The following SYMPK variants were observed in gnomAD, a reference collection of about 807,000 sequenced individuals.
The protein encoded by SYMPK is symplekin.
SYMPK carries 49 observed loss-of-function variants against 136.4 expected under a neutral mutation model. The ratio of observed to expected loss-of-function variants is 0.36; its 90% CI spans 0.29 to 0.46. The LOEUF is 0.46. Among genes scored for constraint, SYMPK ranks in the 20% least tolerant of loss-of-function variants. The pLI, the probability that SYMPK is intolerant of heterozygous loss-of-function variation, is 1.00. For synonymous variants in SYMPK, 766 were observed against 713.0 expected (o/e 1.07, Z -1.19); for missense variants, 1,365 against 1,690.0 (o/e 0.81, Z 3.37).
At chr19:45,822,917 C>G in intron 20 of SYMPK, 71 bp from the exon 21 acceptor site, 1 of 1,304,944 alleles carries the variant, frequency 7.7e-7, no homozygotes. Context: ...GACAAGCCAC[C>G]CCTTCTGCTC....
intron 10 of SYMPK, among the ~76,000 whole-genome samples, chr19:45,835,942 A>AAAGC (rs1568616847): frequency 6.6e-6 from 1 of 151,382 alleles, no homozygotes; most frequent in African/African-American, 2.4e-5. Flanking sequence ...AGAAAGAAAG[A>AAAGC]AAGCAAAAAG....
chr19:45,828,751 C>G, intron 14 of SYMPK: 1 of 585,568 alleles, frequency 1.7e-6, no homozygotes, highest in Non-Finnish European at 3.1e-6. Context: ...AGTGGCAGAG[C>G]TGAGGAACAG....
At position 45,842,479 on chromosome 19, in the gene SYMPK, G is replaced by A. The variant is rs746941567; in HGVS notation, c.858C>T (p.Pro286=). ...QAYETLHANL[P]PTLAKSQVSS... ...TCACCTGCGATTTGGCCAGCGTCGG[G>A]GGCAGGTTGGCTGTGAGGAAAGTGG... Residue 286 remains proline (P), a synonymous_variant, in exon 9 of 27, where the codon CCC becomes CCT. Coordinates refer to ENST00000245934, the MANE Select transcript of SYMPK (RefSeq NM_004819.3). 1.2e-6 allele frequency: 2 copies of A among 1,611,396 alleles called. No individual in the cohort carries two copies. The highest frequency in any genetic ancestry group is 1.7e-5 in the Admixed American group (1 of 60,012).
At chr19:45,840,991 C>CT (rs567036023) in intron 9 of SYMPK, among the ~76,000 whole-genome samples, 191 of 145,570 alleles carry the variant, frequency 1.3e-3, no homozygotes, top group Middle Eastern at 3.5e-3. Flanking sequence ...AGATAAATTC[C>CT]TTTTTTTTTT....
rs1039805926 is a variant in SYMPK at position 45,830,112 on chromosome 19, C to T, written c.1691G>A (p.Gly564Asp). The T allele has an allele frequency of 6.3e-7, 1 of 1,588,152 alleles. No homozygotes were observed. The highest frequency in any genetic ancestry group is 1.7e-4 in the Middle Eastern group (1 of 6,028). The part of the protein sequence containing the change: ...TDAQVEAMKL[G>D]AVKRILRAEK... The stretch of plus-strand genomic sequence containing the variant: ...AGCCCGCAGGATCCGCTTCACAGCG[C>T]CCAGCTTCATGGCTTCCACCTGGGC... The change falls in exon 13 of 27, where the codon GGC becomes GAC. Residue 564 changes from glycine to aspartate, a missense_variant. Physicochemically the swap from Gly to Asp is moderately conservative, Grantham distance 94. This residue lies in a region of SYMPK where 303 missense variants were observed against 326.6 expected (regional missense o/e 0.93). Transcript: ENST00000245934.
Position 45,844,070 on chromosome 19 carries a change from C to T in SYMPK, c.807G>A (p.Met269Ile), listed in dbSNP as rs773911989. The change falls in exon 8 of 27, where the codon ATG becomes ATA. Residue 269 changes from methionine to isoleucine, a missense_variant. Transcript: ENST00000245934. ...SLANIARQRPMFMSEVIQAYE... is the reference protein window; with the variant it reads ...SLANIARQRPIFMSEVIQAYE... The stretch of plus-strand genomic sequence containing the variant: ...AGGCCTGGATCACCTCAGACATGAA[C>T]ATGGGTCTCTGGCGGGCGATATTGG... 1 of 1,593,702 alleles carries T rather than the reference C, an allele frequency of 6.3e-7. No homozygotes were observed. The highest frequency in any genetic ancestry group is 8.6e-7 in the Non-Finnish European group (1 of 1,168,662).
At chr19:45,831,873 A>G (rs73047896) in intron 11 of SYMPK, among the ~76,000 whole-genome samples, 42,243 of 149,134 alleles carry the variant, frequency 0.28, 6,388 homozygotes, top group Admixed American at 0.4. Flanking sequence ...TCACTCTGTC[A>G]CCCAGGCTGG....
At chr19:45,847,621 G>C in intron 7 of SYMPK, 131 bp downstream of exon 7, 1 of 1,106,474 alleles carries the variant, frequency 9.0e-7, no homozygotes, top group East Asian at 2.5e-5. Context: ...CTAGCACCAG[G>C]GATCTTAACT....
rs1214819220 is a variant in SYMPK at position 45,829,042 on chromosome 19, G to A, written c.1913C>T (p.Ser638Phe). 1 of 1,614,186 alleles carries A rather than the reference G, an allele frequency of 6.2e-7. No homozygotes were observed. The highest frequency in any genetic ancestry group is 2.2e-5 in the East Asian group (1 of 44,876). ...GAGGCAGTCCTCATACTTGTCCAGG[G>A]AGCCCGAGGCACCTGCGGCCAGGTA... is the stretch of plus-strand genomic sequence containing the variant. ...NAYLAAGASG[S>F]LDKYEDCLIR... Residue 638 changes from serine to phenylalanine, a missense_variant, in exon 14 of 27, where the codon TCC becomes TTC. Ser to Phe is a radical substitution (Grantham distance 155). Transcript: ENST00000245934.
Position 45,861,039 on chromosome 19 carries a change from T to C in SYMPK, c.-13+2019A>G, listed in dbSNP as rs73049704. ...TTTTTTACCCCCAGGTCTGTTTACGTAAGCCAAGGATCCTGGCCACCAGAC... is the reference window on the plus strand; with the variant it reads ...TTTTTTACCCCCAGGTCTGTTTACGCAAGCCAAGGATCCTGGCCACCAGAC... On this transcript the variant is annotated intron_variant, in intron 1 of 26. Transcript: ENST00000245934. Among the ~76,000 whole-genome samples the C allele has an allele frequency of 6.1e-3, 935 of 152,320 alleles. 6 individuals are homozygous for C. The highest frequency in any genetic ancestry group is 0.041 in the Middle Eastern group (12 of 294).
intron 1 of SYMPK, among the ~76,000 whole-genome samples, chr19:45,857,466 A>G (rs1971854125): frequency 6.6e-6 from 1 of 151,456 alleles, no homozygotes; most frequent in Admixed American, 6.6e-5. Context: ...TGCCAAAAAA[A>G]CAATAATCTG....
chr19:45,852,189 G>T, intron 5 of SYMPK, 123 bp downstream of exon 5: 1 of 974,490 alleles, frequency 1.0e-6, no homozygotes, highest in Non-Finnish European at 1.6e-6. Context: ...CAGTGTGTAT[G>T]AGAGAGAGAA....
intron 9 of SYMPK, among the ~76,000 whole-genome samples, chr19:45,841,026 C>G (rs1168677655): frequency 1.3e-5 from 2 of 151,552 alleles, no homozygotes; most frequent in Non-Finnish European, 2.9e-5. Flanking sequence ...TGCTCTGTCA[C>G]CCAGGATGGA....
rs1361116619 is a variant in SYMPK at position 45,863,118 on chromosome 19, C to T, written c.-73G>A. On this transcript the variant is annotated 5_prime_UTR_variant, in exon 1 of 27. Transcript: ENST00000245934. Reference sequence around the variant, plus strand: ...AGCAGTGCCTCTTCCTACACTCCGCCGCCGCCGCCGCCGCCATCTTCCGTT... The same window carrying T: ...AGCAGTGCCTCTTCCTACACTCCGCTGCCGCCGCCGCCGCCATCTTCCGTT... 5.0e-6 allele frequency: 2 copies of T among 399,206 alleles called. No homozygotes were observed. 24.7% of individuals were successfully genotyped at this position (399,206 alleles called of 1,614,324 possible). A position where few individuals can be genotyped will look rare whatever the true frequency, so the allele number is the denominator to read the frequency against.
Position 45,827,542 on chromosome 19 carries a change from G to C in SYMPK, c.2149C>G (p.Leu717Val), listed in dbSNP as rs200674455. 9.9e-5 allele frequency: 159 copies of C among 1,613,982 alleles called. No individual in the cohort carries two copies. The highest frequency in any genetic ancestry group is 1.3e-4 in the Non-Finnish European group (151 of 1,179,978). The change falls in exon 16 of 27, where the codon CTC becomes GTC. Residue 717 changes from leucine (L) to valine (V), a missense_variant. Leu to Val is a conservative substitution (Grantham distance 32). Around this residue, in one of 11 missense-constraint regions of SYMPK, gnomAD observed 303 missense variants for 326.6 expected, o/e 0.93. Transcript: ENST00000245934. The part of the protein sequence containing the change: ...PSRQFQYLHV[L>V]LDLSSHEKDK... ...TTCTCATGGGAGCTGAGGTCGAGGAGGACATGCAGGTACTGGAACTGGCGG... is the reference window on the plus strand; with the variant it reads ...TTCTCATGGGAGCTGAGGTCGAGGACGACATGCAGGTACTGGAACTGGCGG...
In SYMPK at chr19:45,847,923, T is replaced by C; in HGVS notation, c.505A>G (p.Ile169Val). The change falls in exon 7 of 27, where the codon ATC becomes GTC. Residue 169 changes from isoleucine (I) to valine (V), a missense_variant. Transcript: ENST00000245934. The stretch of plus-strand genomic sequence containing the variant: ...TCATTGTCAGAGTCCAATAGCAGGA[T>C]GATGTCCCCCGCCATGGCAGATACC... ...DMVSAMAGDIILLLDSDNDGI... is the reference protein window; with the variant it reads ...DMVSAMAGDIVLLLDSDNDGI... 6.2e-7 allele frequency: 1 copy of C among 1,613,208 alleles called. No homozygotes were observed. Among genetic ancestry groups the C allele is most frequent in the Non-Finnish European group, 8.5e-7 (1 of 1,179,450 alleles).
chr19:45,835,352 G>A (rs1971278141), intron 10 of SYMPK, 124 bp from the exon 11 acceptor site: 2 of 887,134 alleles, frequency 2.3e-6, no homozygotes, highest in Non-Finnish European at 3.3e-6. Context: ...CTCTCCTGGG[G>A]CCCAGCCTCT....
At chr19:45,843,175 G>T (rs1052761610) in intron 8 of SYMPK, 2 of 152,232 alleles carry the variant, frequency 1.3e-5, no homozygotes, top group African/African-American at 4.8e-5. Context: ...TTGGGAAGGA[G>T]ACACTCTCTT....
intron 18 of SYMPK, chr19:45,824,077 G>T (rs1970976984): frequency 2.0e-6 from 1 of 512,226 alleles, no homozygotes; most frequent in African/African-American, 1.9e-5. Context: ...CCAGACATGG[G>T]CCTGCTCCAG....
Sources: allele counts gnomAD v4.1 joint callset (sites outside exome capture counted in the v4.1 genomes callset), GRCh38; gene constraint gnomAD v4.1.1; regional missense constraint gnomAD v4.1.1; transcripts MANE v1.5; gene names NCBI Gene and HGNC (gene_info 2026-07-23, HGNC 2026-07-21).